Variants in NRXN3 observed in about 807,000 individuals in gnomAD.
The protein encoded by NRXN3 is neurexin 3.
NRXN3 carries 32 observed loss-of-function variants against 137.6 expected under a neutral mutation model. The observed-to-expected ratio is 0.23, with a 90% CI of 0.18 to 0.31. The LOEUF (loss-of-function observed/expected upper bound fraction) is 0.31. NRXN3 is among the 10% of genes least tolerant of loss of function. The pLI is 1.00. For missense variants in NRXN3, 1,574 were observed against 2,062.5 expected (o/e 0.76, Z 4.59); for synonymous variants, 798 against 784.5 (o/e 1.02, Z -0.29).
At chr14:79,855,806 A>T (rs1333075526) in intron 20 of NRXN3, among the ~76,000 whole-genome samples, 1 of 152,186 alleles carries the variant, frequency 6.6e-6, no homozygotes, top group Admixed American at 6.5e-5. Flanking sequence ...CATATAAAAA[A>T]TACTTGATAT....
Position 79,791,511 on chromosome 14 carries a change from ATAAT to A in NRXN3, c.4015-13594_4015-13591del, listed in dbSNP as rs1376731648. ...TTATAATTAATTATATATTGTAATT[ATAAT>A]TAATTATATATTATAATAATTATAA... On this transcript the variant is annotated intron_variant, in intron 19 of 20. Coordinates refer to ENST00000335750, the MANE Select transcript of NRXN3 (RefSeq NM_001330195.2). 1.3e-4 allele frequency among the ~76,000 whole-genome samples: 16 copies of A among 120,088 alleles called. No individual in the cohort carries two copies. The East Asian group carries it at 1.6e-3, about 12-fold the overall frequency. 78.8% of individuals were successfully genotyped at this position (120,088 alleles called of 152,430 possible). A position where few individuals can be genotyped will look rare whatever the true frequency, so the allele number is the denominator to read the frequency against.
At chr14:78,680,028 G>C (rs1419681529) in intron 6 of NRXN3, among the ~76,000 whole-genome samples, 2 of 151,930 alleles carry the variant, frequency 1.3e-5, no homozygotes, top group Non-Finnish European at 2.9e-5. Context: ...GATTATATAA[G>C]TATATGTATA....
At chr14:79,474,810 G>A (rs571648107) in intron 16 of NRXN3, among the ~76,000 whole-genome samples, 12 of 152,044 alleles carry the variant, frequency 7.9e-5, no homozygotes, top group African/African-American at 2.9e-4. Flanking sequence ...AGGGAAAGAA[G>A]AGAAGAAGGA....
chr14:78,365,003 T>G (rs2153610569), intron 4 of NRXN3, among the ~76,000 whole-genome samples: 1 of 152,298 alleles, frequency 6.6e-6, no homozygotes, highest in South Asian at 2.1e-4. Context: ...TAAGTTCCAC[T>G]GTACCTGGAA....
chr14:78,525,298 G>C (rs1347083872), intron 4 of NRXN3, among the ~76,000 whole-genome samples: 1 of 152,188 alleles, frequency 6.6e-6, no homozygotes, highest in East Asian at 1.9e-4. Context: ...GCTGGTATGG[G>C]TCAGGGGACT....
intron 15 of NRXN3, among the ~76,000 whole-genome samples, chr14:78,996,856 A>T (rs1046686531): frequency 6.6e-6 from 1 of 152,244 alleles, no homozygotes; most frequent in East Asian, 1.9e-4. Context: ...GGGCCCACAG[A>T]TATTCCATGG....
chr14:78,397,413 C>T (rs1225128615), intron 4 of NRXN3, among the ~76,000 whole-genome samples: 7 of 152,054 alleles, frequency 4.6e-5, no homozygotes, highest in Non-Finnish European at 8.8e-5. Context: ...TGATTTTTCT[C>T]CCCCTCTGTG....
At chr14:79,373,376 G>T (rs2094167671) in intron 15 of NRXN3, among the ~76,000 whole-genome samples, 1 of 152,142 alleles carries the variant, frequency 6.6e-6, no homozygotes, top group South Asian at 2.1e-4. Context: ...GGGCTGGTTG[G>T]TTATAGCTGC....
intron 16 of NRXN3, among the ~76,000 whole-genome samples, chr14:79,561,806 G>T (rs913290149): frequency 1.6e-4 from 24 of 151,918 alleles, no homozygotes; most frequent in Admixed American, 5.9e-4. Context: ...TTTAAGAAAA[G>T]AAAAGAAAAA....
intron 15 of NRXN3, among the ~76,000 whole-genome samples, chr14:79,387,021 C>T (rs1291209741): frequency 2.6e-5 from 4 of 151,990 alleles, no homozygotes; most frequent in African/African-American, 9.7e-5. Flanking sequence ...CTAGGCAATA[C>T]CATTCAGGAC....
chr14:78,294,137 A>G (rs540962410), intron 3 of NRXN3, among the ~76,000 whole-genome samples: 12 of 152,182 alleles, frequency 7.9e-5, no homozygotes, highest in Non-Finnish European at 1.8e-4. Context: ...TTATCCATTC[A>G]CTCATTCAAT....
chr14:78,179,204 A>T (rs2059555334), intron 1 of NRXN3, among the ~76,000 whole-genome samples: 2 of 152,126 alleles, frequency 1.3e-5, no homozygotes, highest in Non-Finnish European at 2.9e-5. Flanking sequence ...GTGGGAAGGG[A>T]TGCCAGGTCT....
At chr14:78,649,929 T>C (rs1022400035) in intron 5 of NRXN3, among the ~76,000 whole-genome samples, 1 of 152,174 alleles carries the variant, frequency 6.6e-6, no homozygotes, top group Admixed American at 6.5e-5. Flanking sequence ...GTCTCGTGAA[T>C]TTTCCTACCT....
chr14:79,290,663 GAA>G (rs11349861), intron 15 of NRXN3, among the ~76,000 whole-genome samples: 1,369 of 106,622 alleles, frequency 0.013, 14 homozygotes, highest in African/African-American at 0.041. Context: ...GGTGGTTCCA[GAA>G]AAAAAAAAAA....
chr14:79,002,047 T>C (rs1412998431), intron 15 of NRXN3, among the ~76,000 whole-genome samples: 1 of 152,204 alleles, frequency 6.6e-6, no homozygotes, highest in African/African-American at 2.4e-5. Context: ...GAATCAACTT[T>C]CCTACTTTGT....
intron 20 of NRXN3, among the ~76,000 whole-genome samples, chr14:79,859,885 A>AT (rs2099410679): frequency 6.6e-6 from 1 of 152,034 alleles, no homozygotes; most frequent in Admixed American, 6.6e-5. Flanking sequence ...GTGGGAATAC[A>AT]TTTTTCTGGA....
chr14:79,767,684 A>T (rs2139639655), intron 19 of NRXN3, among the ~76,000 whole-genome samples: 1 of 152,336 alleles, frequency 6.6e-6, no homozygotes, highest in Non-Finnish European at 1.5e-5. Flanking sequence ...TAAATGGATA[A>T]CACTGAGGAA....
chr14:78,191,022 G>T (rs1183618236), intron 1 of NRXN3, among the ~76,000 whole-genome samples: 1 of 152,122 alleles, frequency 6.6e-6, no homozygotes, highest in Non-Finnish European at 1.5e-5. Context: ...TTCTAACCAG[G>T]TAAGCGTCCT....
intron 4 of NRXN3, among the ~76,000 whole-genome samples, chr14:78,630,510 T>C (rs2097508905): frequency 6.6e-6 from 1 of 152,124 alleles, no homozygotes; most frequent in African/African-American, 2.4e-5. Flanking sequence ...AGATCCTACA[T>C]AAATATTTGT....
Sources: gnomAD v4.1 joint callset for allele counts (sites outside exome capture counted in the v4.1 genomes callset) on GRCh38, gnomAD v4.1.1 for gene constraint, MANE v1.5 for transcripts, NCBI Gene and HGNC (gene_info 2026-07-23, HGNC 2026-07-21) for gene names.